Variants in MCL1 observed in about 807,000 individuals in gnomAD.
MCL1 encodes the protein MCL1 apoptosis regulator, BCL2 family member.
In MCL1, 4 loss-of-function variants were observed where a neutral mutation model predicts 24.2. The observed-to-expected ratio is 0.17, with a 90% CI of 0.08 to 0.38. The LOEUF is 0.38. Ranked by LOEUF, MCL1 falls within the 10% of genes least tolerant of loss-of-function variation. The pLI is 1.00. For missense variants in MCL1, 529 were observed against 480.3 expected, an observed-to-expected ratio of 1.10 and a Z score of -0.95; for synonymous variants, 248 against 214.0, an observed-to-expected ratio of 1.16 and a Z score of -1.39.
chr1:150,578,711 C>G (rs1390471010), intron 1 of MCL1, 132 bp downstream of exon 1: 1 of 1,108,512 alleles, frequency 9.0e-7, no homozygotes, highest in Non-Finnish European at 1.3e-6. Context: ...CCAGAATATT[C>G]TGGCTTCAGG....
In MCL1 at chr1:150,577,359, T is replaced by A; in HGVS notation, c.*16A>T. ...TGGTGGTTGGTTAAAAGTCAACTAT[T>A]GCACTTACAGTAAGGCTATCTTATT... On this transcript the variant is annotated 3_prime_UTR_variant, in exon 3 of 3. Coordinates refer to ENST00000369026, the MANE Select transcript of MCL1 (RefSeq NM_021960.5). The A allele has an allele frequency of 6.2e-7, 1 of 1,610,342 alleles. No homozygotes were observed. Among genetic ancestry groups the A allele is most frequent in the Non-Finnish European group, 8.5e-7 (1 of 1,178,768 alleles).
In MCL1 at chr1:150,576,847, T is replaced by A. The variant is rs1376303389; in HGVS notation, c.*528A>T. On this transcript the variant is annotated 3_prime_UTR_variant, in exon 3 of 3. Coordinates refer to ENST00000369026, the MANE Select transcript of MCL1 (RefSeq NM_021960.5). ...TAACAGGTATAAAAGTCCTGAACAC[T>A]TGGACTTTCTAAGAAGTATACTGGG... The A allele has an allele frequency of 4.3e-6, 1 of 233,088 alleles. No homozygotes were observed. The highest frequency in any genetic ancestry group is 2.2e-5 in the African/African-American group (1 of 45,300). 14.4% of individuals were successfully genotyped at this position (233,088 alleles called of 1,614,324 possible). A position where few individuals can be genotyped will look rare whatever the true frequency, so the allele number is the denominator to read the frequency against.
In MCL1 at chr1:150,579,251, C is replaced by A; in HGVS notation, c.280G>T (p.Ala94Ser). Residue 94 changes from alanine (A) to serine (S), a missense_variant, in exon 1 of 3, where the codon GCG becomes TCG. Ala to Ser is a moderately conservative substitution (Grantham distance 99, BLOSUM62 1). Transcript: ENST00000369026. ...GTGGGCGCGAAGAAAAGCAGCCTCGCGGGGGTCGCGGTGACGTCGGGGACC... is the reference window on the plus strand; with the variant it reads ...GTGGGCGCGAAGAAAAGCAGCCTCGAGGGGGTCGCGGTGACGTCGGGGACC... ...AEVPDVTATP[A>S]RLLFFAPTRR... 6.6e-7 allele frequency: 1 copy of A among 1,515,992 alleles called. No homozygotes were observed. The highest frequency in any genetic ancestry group is 8.8e-7 in the Non-Finnish European group (1 of 1,138,058). The allele number at this position is 1,515,992 out of a possible 1,614,324, so 93.9% of individuals were successfully genotyped here.
At chr1:150,577,881 T>C (rs587616388) in intron 2 of MCL1, among the ~76,000 whole-genome samples, 39 of 152,286 alleles carry the variant, frequency 2.6e-4, no homozygotes, top group South Asian at 1.7e-3. Flanking sequence ...CTGGGTTTGT[T>C]TAAAACGCAG....
rs895069906 is a variant in MCL1, at chr1:150,579,592, G to A, written c.-62C>T. On this transcript the variant is annotated 5_prime_UTR_variant, in exon 1 of 3. Coordinates refer to ENST00000369026, the MANE Select transcript of MCL1 (RefSeq NM_021960.5). ...GGAAGACCCCGACTCCTTACTGGAA[G>A]GAAGCGGAAGTGAGAAGTGGCGAGC... 13 of 1,515,144 alleles carry A rather than the reference G, an allele frequency of 8.6e-6. No individual in the cohort carries two copies. Among genetic ancestry groups the A allele is most frequent in the East Asian group, 5.1e-5 (2 of 39,258 alleles). The allele number at this position is 1,515,144 out of a possible 1,614,324, so 93.9% of individuals were successfully genotyped here. A position where few individuals can be genotyped will look rare whatever the true frequency, so the allele number is the denominator to read the frequency against.
chr1:150,576,372 C>G lies in MCL1; in HGVS notation c.*1003G>C. On this transcript the variant is annotated 3_prime_UTR_variant, in exon 3 of 3. Coordinates refer to ENST00000369026, the MANE Select transcript of MCL1 (RefSeq NM_021960.5). Reference sequence around the variant, plus strand: ...GCATATAATGAAGTGAAAGAATTTCCATTCATCAACCTCTCAATCCCAGGT... The same window carrying G: ...GCATATAATGAAGTGAAAGAATTTCGATTCATCAACCTCTCAATCCCAGGT... The G allele has an allele frequency of 4.3e-6, 1 of 230,328 alleles. No homozygotes were observed. The highest frequency in any genetic ancestry group is 6.2e-5 in the East Asian group (1 of 16,240). 14.3% of individuals were successfully genotyped at this position (230,328 alleles called of 1,614,324 possible).
intron 1 of MCL1, 33 bp downstream of exon 1, chr1:150,578,810 A>G (rs185350789): frequency 1.3e-6 from 2 of 1,584,302 alleles, no homozygotes; most frequent in African/African-American, 2.7e-5. Context: ...GAAAAAAGGG[A>G]GTGAGGCCTT....
Position 150,575,425 on chromosome 1 carries a change from G to A in MCL1, c.*1950C>T, listed in dbSNP as rs587678342. On this transcript the variant is annotated 3_prime_UTR_variant, in exon 3 of 3. Coordinates refer to ENST00000369026, the MANE Select transcript of MCL1 (RefSeq NM_021960.5). ...TTTATCAGTAGCTTTTAAACTCTGA[G>A]GTTTAACACAGCTCACCTCTTTCTG... 5 of 232,886 alleles carry A rather than the reference G, an allele frequency of 2.1e-5. No individual in the cohort carries two copies. The highest frequency in any genetic ancestry group is 4.2e-5 in the Non-Finnish European group (5 of 117,674). The allele number at this position is 232,886 out of a possible 1,614,324, so 14.4% of individuals were successfully genotyped here. A position where few individuals can be genotyped will look rare whatever the true frequency, so the allele number is the denominator to read the frequency against.
Position 150,578,265 on chromosome 1 carries a change from C to G in MCL1, c.915G>C (p.Trp305Cys). The stretch of plus-strand genomic sequence containing the variant: ...TTACCCAGCCTCTTTGTTTAACTAG[C>G]CAGTCCCGTTTTGTCCTTACGAGAA... ...TDVLVRTKRD[W>C]LVKQRGWDGF... The change falls in exon 2 of 3, where the codon TGG becomes TGC. Residue 305 changes from tryptophan (W) to cysteine (C), a missense_variant. Trp to Cys is a radical substitution (Grantham distance 215). Coordinates refer to ENST00000369026, the MANE Select transcript of MCL1 (RefSeq NM_021960.5). 1 of 1,614,140 alleles carries G rather than the reference C, an allele frequency of 6.2e-7. No individual in the cohort carries two copies. Among genetic ancestry groups the G allele is most frequent in the Non-Finnish European group, 8.5e-7 (1 of 1,180,002 alleles).
intron 2 of MCL1, among the ~76,000 whole-genome samples, 162 bp downstream of exon 2, chr1:150,578,081 AG>A (rs1189805713): frequency 6.6e-6 from 1 of 152,212 alleles, no homozygotes; most frequent in African/African-American, 2.4e-5. Context: ...ACTATCTCTA[AG>A]GATCCACTAC....
In MCL1 at chr1:150,576,687, T is replaced by C. The variant is rs1647820231; in HGVS notation, c.*688A>G. Reference sequence around the variant, plus strand: ...CTTTCTGTAAAAATATATACAATTTTTACAAATACATTTACAAGCTGTCTT... The same window carrying C: ...CTTTCTGTAAAAATATATACAATTTCTACAAATACATTTACAAGCTGTCTT... On this transcript the variant is annotated 3_prime_UTR_variant, in exon 3 of 3. Transcript: ENST00000369026. 1 of 232,428 alleles carries C rather than the reference T, an allele frequency of 4.3e-6. No individual in the cohort carries two copies. The highest frequency in any genetic ancestry group is 8.5e-6 in the Non-Finnish European group (1 of 117,398). The allele number at this position is 232,428 out of a possible 1,614,324, so 14.4% of individuals were successfully genotyped here.
intron 2 of MCL1, 63 bp downstream of exon 2, chr1:150,578,181 C>CT (rs1229515138): frequency 6.4e-7 from 1 of 1,561,126 alleles, no homozygotes; most frequent in Non-Finnish European, 8.7e-7. Flanking sequence ...CCCCACCTCT[C>CT]TAAAAAAAAT....
Position 150,575,799 on chromosome 1 carries a change from G to A in MCL1, c.*1576C>T, listed in dbSNP as rs1434287722. 4.3e-6 allele frequency: 1 copy of A among 233,260 alleles called. No individual in the cohort carries two copies. Among genetic ancestry groups the A allele is most frequent in the Non-Finnish European group, 8.5e-6 (1 of 118,026 alleles). The allele number at this position is 233,260 out of a possible 1,614,324, so 14.4% of individuals were successfully genotyped here. On this transcript the variant is annotated 3_prime_UTR_variant, in exon 3 of 3. Transcript: ENST00000369026. ...TAGAAAGAGTTCAGGGATGGCAGGG[G>A]AAAGCTGTAGGAATTGATATAAATA...
rs1647823404 is a variant in MCL1 at position 150,576,738 on chromosome 1, A to G, written c.*637T>C. ...AAGAATTGAGGATATCCATATTCAT[A>G]ACTAATTACTGAGCCTTCCGTCAAG... On this transcript the variant is annotated 3_prime_UTR_variant, in exon 3 of 3. Coordinates refer to ENST00000369026, the MANE Select transcript of MCL1 (RefSeq NM_021960.5). The G allele has an allele frequency of 4.3e-6, 1 of 232,516 alleles. No individual in the cohort carries two copies. 14.4% of individuals were successfully genotyped at this position (232,516 alleles called of 1,614,324 possible). A position where few individuals can be genotyped will look rare whatever the true frequency, so the allele number is the denominator to read the frequency against.
intron 2 of MCL1, 52 bp from the exon 3 acceptor site, chr1:150,577,543 T>TG (rs1553915982): frequency 3.9e-6 from 6 of 1,558,190 alleles, no homozygotes; most frequent in Middle Eastern, 1.7e-4. Context: ...TCTGCTCTCT[T>TG]ACAACACTAC....
rs199766529 is a variant in MCL1, at chr1:150,578,834, C to T, written c.688+9G>A. On this transcript the variant is annotated intron_variant, in intron 1 of 2. Coordinates refer to ENST00000369026, the MANE Select transcript of MCL1 (RefSeq NM_021960.5). Reference sequence around the variant, plus strand: ...GAGTGAGGCCTTGGCGATTAATGAACCCCCTTACCTTGGAAGGCCGTCTCG... The same window carrying T: ...GAGTGAGGCCTTGGCGATTAATGAATCCCCTTACCTTGGAAGGCCGTCTCG... 12 of 1,605,748 alleles carry T rather than the reference C, an allele frequency of 7.5e-6. No homozygotes were observed. The highest frequency in any genetic ancestry group is 4.5e-5 in the East Asian group (2 of 44,756).
rs11850 is a variant in MCL1, at chr1:150,574,771, A to G, written c.*2604T>C. 3.4e-3 allele frequency: 800 copies of G among 233,216 alleles called. 6 individuals are homozygous for G. Among genetic ancestry groups the G allele is most frequent in the African/African-American group, 0.016 (743 of 45,406 alleles). The allele number at this position is 233,216 out of a possible 1,614,324, so 14.4% of individuals were successfully genotyped here. The stretch of plus-strand genomic sequence containing the variant: ...GCATGTTTTTCCCTGAGAGAAGCGT[A>G]AGACAAACAGAAGTCAAAAAGTAGT... On this transcript the variant is annotated 3_prime_UTR_variant, in exon 3 of 3. Transcript: ENST00000369026.
chr1:150,579,444 G>A lies in MCL1; in HGVS notation c.87C>T (p.Thr29=), dbSNP rs1213943482. 3.8e-6 allele frequency: 6 copies of A among 1,591,334 alleles called. No individual in the cohort carries two copies. The South Asian group carries it at 5.6e-5, about 15-fold the overall frequency. Residue 29 remains threonine, a synonymous_variant, in exon 1 of 3, where the codon ACC becomes ACT. Transcript: ENST00000369026. ...TAGCCAAAAGTCGCCCTCCCGGGCGGGTGGCGCCGCCGCTGCCGGCCCCCA... is the reference window on the plus strand; with the variant it reads ...TAGCCAAAAGTCGCCCTCCCGGGCGAGTGGCGCCGCCGCTGCCGGCCCCCA... The part of the protein sequence containing the change: ...AGLGAGSGGA[T]RPGGRLLATE...
Position 150,578,465 on chromosome 1 carries a change from T to C in MCL1, c.715A>G (p.Asn239Asp), listed in dbSNP as rs763650593. The change falls in exon 2 of 3, where the codon AAC becomes GAC. Residue 239 changes from asparagine (N) to aspartate (D), a missense_variant. Transcript: ENST00000369026. Reference protein sequence around the residue: ...QGMLRKLDIKNEDDVKSLSRV... With the variant: ...QGMLRKLDIKDEDDVKSLSRV... ...GACAACGATTTCACATCGTCTTCGT[T>C]TTTGATGTCCAGTTTCCGAAGCATG... is the stretch of plus-strand genomic sequence containing the variant. The C allele has an allele frequency of 3.7e-6, 6 of 1,614,066 alleles. No homozygotes were observed. In the Admixed American group the frequency reaches 1.0e-4, roughly 27 times the overall value.
Sources: allele counts gnomAD v4.1 joint callset (sites outside exome capture counted in the v4.1 genomes callset), GRCh38; gene constraint gnomAD v4.1.1; transcripts MANE v1.5; gene names NCBI Gene and HGNC (gene_info 2026-07-23, HGNC 2026-07-21).